FRK: variants seen among roughly 807,000 people sequenced by gnomAD.
FRK encodes the protein tyrosine-protein kinase FRK.
Under a neutral mutation model 56.4 loss-of-function variants are expected in FRK, and 51 were observed. The ratio of observed to expected loss-of-function variants is 0.90; its 90% CI spans 0.72 to 1.14. The LOEUF (loss-of-function observed/expected upper bound fraction) is 1.14, where lower values mean the gene tolerates loss of function less well. FRK is among the 50% of genes most tolerant of loss of function. FRK has a pLI of 0.00. For missense variants in FRK, 570 were observed against 601.4 expected (o/e 0.95, Z 0.55); for synonymous variants, 245 against 217.9 (o/e 1.12, Z -1.10).
intron 2 of FRK, among the ~76,000 whole-genome samples, chr6:115,972,331 T>A (rs1456239163): frequency 1.3e-5 from 2 of 152,188 alleles, no homozygotes; most frequent in African/African-American, 4.8e-5. Context: ...GTGCCCTAAG[T>A]TACCTCTATC....
At chr6:116,100,660 G>C in the FRK span, among the ~76,000 whole-genome samples, 2 of 152,202 alleles carry the variant, frequency 1.3e-5, no homozygotes, top group African/African-American at 4.8e-5. Context: ...GAACAGATCA[G>C]GAGTCGCCGG....
In FRK at chr6:115,932,317, A is replaced by G. The variant is rs1405408663; in HGVS notation, c.*10097T>C. 6.6e-6 allele frequency: 1 copy of G among 152,222 alleles called. No individual in the cohort carries two copies. The highest frequency in any genetic ancestry group is 6.5e-5 in the Admixed American group (1 of 15,278). The allele number at this position is 152,222 out of a possible 1,614,324, so 9.4% of individuals were successfully genotyped here. ...TAAGAGGATAACACTGAAAATTAAG[A>G]TATGAATTTAAAAGATTTTTAGATA... On this transcript the variant is annotated 3_prime_UTR_variant, in exon 8 of 8. Coordinates refer to ENST00000606080, the MANE Select transcript of FRK (RefSeq NM_002031.3).
At chr6:116,005,962 T>A (rs1370735426) in intron 1 of FRK, among the ~76,000 whole-genome samples, 4 of 152,186 alleles carry the variant, frequency 2.6e-5, no homozygotes, top group African/African-American at 9.7e-5. Context: ...TAGGGAAGTT[T>A]TCTTTAGCAA....
At chr6:115,977,240 C>A (rs1336468949) in intron 2 of FRK, among the ~76,000 whole-genome samples, 2 of 152,122 alleles carry the variant, frequency 1.3e-5, no homozygotes, top group African/African-American at 4.8e-5. Context: ...TCTTCTACAG[C>A]AAATAGAGTA....
At chr6:115,973,428 G>T (rs1270496572) in intron 2 of FRK, among the ~76,000 whole-genome samples, 1 of 152,134 alleles carries the variant, frequency 6.6e-6, no homozygotes, top group African/African-American at 2.4e-5. Flanking sequence ...GATTAAGGGT[G>T]GGATAGCATT....
intron 4 of FRK, among the ~76,000 whole-genome samples, chr6:115,960,182 G>T (rs866202866): frequency 1.3e-5 from 2 of 151,146 alleles, no homozygotes; most frequent in East Asian, 3.9e-4. Flanking sequence ...AGGCCAGTGT[G>T]TGCGCGCACC....
intron 2 of FRK, among the ~76,000 whole-genome samples, chr6:115,993,503 T>A (rs951054677): frequency 3.3e-5 from 5 of 151,832 alleles, no homozygotes; most frequent in African/African-American, 1.2e-4. Flanking sequence ...TTATTTTGCT[T>A]GAAACACTGT....
At chr6:116,059,079 T>C (rs1562310498) in intron 1 of FRK, among the ~76,000 whole-genome samples, 1 of 152,148 alleles carries the variant, frequency 6.6e-6, no homozygotes, top group Non-Finnish European at 1.5e-5. Context: ...ATCCACTTTG[T>C]ATTCAGTCAC....
At chr6:116,008,273 C>T (rs1484436210) in intron 1 of FRK, among the ~76,000 whole-genome samples, 1 of 152,002 alleles carries the variant, frequency 6.6e-6, no homozygotes, top group African/African-American at 2.4e-5. Context: ...TTTTTTTAAT[C>T]CTCCTTTGTT....
chr6:115,966,561 C>G (rs556197560), intron 4 of FRK, among the ~76,000 whole-genome samples: 9 of 152,282 alleles, frequency 5.9e-5, no homozygotes, highest in Admixed American at 3.9e-4. Context: ...CCCAAGAGCT[C>G]AAGTTCTGCC....
the FRK span, among the ~76,000 whole-genome samples, chr6:116,094,278 C>T: frequency 4.6e-5 from 7 of 152,180 alleles, no homozygotes; most frequent in African/African-American, 1.4e-4. Flanking sequence ...CTGAGGGTGC[C>T]CGGGGCAAGC....
At chr6:116,066,540 T>C in the FRK span, among the ~76,000 whole-genome samples, 1 of 152,084 alleles carries the variant, frequency 6.6e-6, no homozygotes, top group African/African-American at 2.4e-5. Flanking sequence ...AAAATAATCT[T>C]TGTATAATAT....
At chr6:116,062,722 C>T (rs1008318051), upstream of FRK, among the ~76,000 whole-genome samples, 7 of 152,152 alleles carry the variant, frequency 4.6e-5, no homozygotes, top group Non-Finnish European at 8.8e-5. Flanking sequence ...GGCCTGAGAA[C>T]GCAGAGCTGA....
At chr6:116,059,737 G>T (rs1023460035) in intron 1 of FRK, among the ~76,000 whole-genome samples, 1 of 152,124 alleles carries the variant, frequency 6.6e-6, no homozygotes, top group Non-Finnish European at 1.5e-5. Flanking sequence ...ATACACCCTG[G>T]ACCTGTGGAT....
intron 1 of FRK, among the ~76,000 whole-genome samples, chr6:116,023,623 A>G (rs1271289124): frequency 1.3e-5 from 2 of 152,122 alleles, no homozygotes; most frequent in Non-Finnish European, 2.9e-5. Flanking sequence ...GGAAAGGGAG[A>G]GTATCTGGAA....
intron 2 of FRK, among the ~76,000 whole-genome samples, chr6:115,975,673 A>G (rs1239051164): frequency 5.3e-5 from 8 of 152,306 alleles, no homozygotes; most frequent in South Asian, 2.1e-4. Flanking sequence ...ATACTAGTTA[A>G]GTATTTTAGT....
chr6:116,030,075 G>A (rs1452782154), intron 1 of FRK, among the ~76,000 whole-genome samples: 4 of 151,962 alleles, frequency 2.6e-5, no homozygotes, highest in Non-Finnish European at 5.9e-5. Flanking sequence ...CAGACCCCTC[G>A]GAAGAAGGTA....
chr6:115,931,431 GTC>G lies in FRK; in HGVS notation c.*10981_*10982del, dbSNP rs1771957045. On this transcript the variant is annotated 3_prime_UTR_variant, in exon 8 of 8. Coordinates refer to ENST00000606080, the MANE Select transcript of FRK (RefSeq NM_002031.3). Reference sequence around the variant, plus strand: ...ATAACAAGTGGTACAATTAAAAGAGGTCTTCTTTAATCCCTGTTGCTACATAT... The same window carrying G: ...ATAACAAGTGGTACAATTAAAAGAGGTTCTTTAATCCCTGTTGCTACATAT... 6.6e-6 allele frequency: 1 copy of G among 152,044 alleles called. No individual in the cohort carries two copies. Among genetic ancestry groups the G allele is most frequent in the Non-Finnish European group, 1.5e-5 (1 of 67,990 alleles). The allele number at this position is 152,044 out of a possible 1,614,324, so 9.4% of individuals were successfully genotyped here.
chr6:116,063,017 C>T (rs1233791800), upstream of FRK, among the ~76,000 whole-genome samples: 1 of 152,162 alleles, frequency 6.6e-6, no homozygotes, highest in African/African-American at 2.4e-5. Context: ...ATCTCTGGCT[C>T]ATCTTGCACA....
Sources: gnomAD v4.1 joint callset for allele counts (sites outside exome capture counted in the v4.1 genomes callset) on GRCh38, gnomAD v4.1.1 for gene constraint, MANE v1.5 for transcripts, NCBI Gene and HGNC (gene_info 2026-07-23, HGNC 2026-07-21) for gene names.